Variants in C21orf58 observed in about 807,000 individuals in gnomAD.
The protein encoded by C21orf58 is uncharacterized protein C21orf58.
In C21orf58, 34 loss-of-function variants were observed where a neutral mutation model predicts 35.8. The observed-to-expected ratio is 0.95, with a 90% CI of 0.72 to 1.26. C21orf58 has a LOEUF of 1.26. Among genes scored for constraint, C21orf58 ranks in the 50% most tolerant of loss-of-function variants. The pLI is 0.00. For synonymous variants in C21orf58, 191 were observed against 175.8 expected, an observed-to-expected ratio of 1.09 and a Z score of -0.68; for missense variants, 440 against 414.3, an observed-to-expected ratio of 1.06 and a Z score of -0.54.
At chr21:46,317,172 G>T in intron 3 of C21orf58, 36 bp downstream of exon 3, 1 of 1,597,140 alleles carries the variant, frequency 6.3e-7, no homozygotes, top group South Asian at 1.1e-5. Context: ...ACTTGCGTCT[G>T]TCTGTGCTGG....
intron 1 of C21orf58, among the ~76,000 whole-genome samples, chr21:46,321,576 A>G (rs1223866033): frequency 6.6e-6 from 1 of 152,202 alleles, no homozygotes; most frequent in African/African-American, 2.4e-5. Flanking sequence ...ATTTTGAAGA[A>G]TGTCCCTCAA....
At chr21:46,312,908 A>T (rs2082804260) in intron 5 of C21orf58, 3 of 741,150 alleles carry the variant, frequency 4.0e-6, no homozygotes, top group Non-Finnish European at 4.9e-6. Context: ...TATATAGAAC[A>T]CGTCATGAAA....
At chr21:46,306,133 T>C in intron 6 of C21orf58, among the ~76,000 whole-genome samples, 1 of 151,238 alleles carries the variant, frequency 6.6e-6, no homozygotes, top group East Asian at 1.9e-4. Flanking sequence ...GCAAGCCCAG[T>C]GCAATCACAG....
At position 46,301,799 on chromosome 21, in the gene C21orf58, A is replaced by C. The variant is rs2082116165; in HGVS notation, c.*200T>G. ...CACTGCAGGGGACCCGGAGCAAGGG[A>C]TGCCCCCTGGAATGGCCCCGTGACC... On this transcript the variant is annotated 3_prime_UTR_variant, in exon 8 of 8. Transcript: ENST00000291691. 3 of 1,245,782 alleles carry C rather than the reference A, an allele frequency of 2.4e-6. No homozygotes were observed. In the Admixed American group the frequency reaches 1.3e-4, roughly 52 times the overall value. 77.2% of individuals were successfully genotyped at this position (1,245,782 alleles called of 1,614,324 possible).
At position 46,311,517 on chromosome 21, in the gene C21orf58, G is replaced by T. The variant is rs755836410; in HGVS notation, c.660C>A (p.Leu220=). ...TIIQQLPQQP[L]IAQIPPPQAF... ...CCTGGGGAGGAGGAATCTGTGCTAT[G>T]AGTGGCTGCTGAGGGAGCTGCTGAA... Residue 220 remains leucine, a synonymous_variant, in exon 6 of 8, where the codon CTC becomes CTA. Coordinates refer to ENST00000291691, the MANE Select transcript of C21orf58 (RefSeq NM_058180.5). 3 of 1,612,618 alleles carry T rather than the reference G, an allele frequency of 1.9e-6. No homozygotes were observed. The highest frequency in any genetic ancestry group is 2.2e-5 in the South Asian group (2 of 90,532).
intron 6 of C21orf58, among the ~76,000 whole-genome samples, chr21:46,310,060 C>G (rs2082604511): frequency 6.6e-6 from 1 of 152,066 alleles, no homozygotes; most frequent in Non-Finnish European, 1.5e-5. Flanking sequence ...TGACGGAAAG[C>G]TGCTCAGCAG....
At chr21:46,307,819 C>G (rs889025901) in intron 6 of C21orf58, among the ~76,000 whole-genome samples, 2 of 152,120 alleles carry the variant, frequency 1.3e-5, no homozygotes, top group Non-Finnish European at 2.9e-5. Context: ...TTCCATTAGT[C>G]ATTAGGGCAA....
intron 6 of C21orf58, among the ~76,000 whole-genome samples, chr21:46,304,859 G>GTCTA (rs2082341734): frequency 6.6e-6 from 1 of 152,214 alleles, no homozygotes; most frequent in Admixed American, 6.5e-5. Flanking sequence ...CAGAAATGTG[G>GTCTA]TCTATCCATA....
rs561145674 is a variant in C21orf58, at chr21:46,302,582, G to A, written c.722-6C>T. 6.2e-7 allele frequency: 1 copy of A among 1,608,392 alleles called. No individual in the cohort carries two copies. Among genetic ancestry groups the A allele is most frequent in the East Asian group, 2.2e-5 (1 of 44,688 alleles). ...CAGCAGCAGCTCCACCATGTCTGCA[G>A]GGAAGAAGCAGGGGGACCCTGAATA... On this transcript the variant is annotated splice_polypyrimidine_tract_variant and splice_region_variant and intron_variant, in intron 6 of 7. Transcript: ENST00000291691.
At chr21:46,306,158 G>A (rs1217047673) in intron 6 of C21orf58, among the ~76,000 whole-genome samples, 1 of 151,874 alleles carries the variant, frequency 6.6e-6, no homozygotes, top group Non-Finnish European at 1.5e-5. Flanking sequence ...CTTAGAAAGT[G>A]GTGAGATAAA....
intron 6 of C21orf58, among the ~76,000 whole-genome samples, chr21:46,305,398 C>A (rs1423076825): frequency 1.4e-5 from 2 of 145,194 alleles, no homozygotes; most frequent in South Asian, 4.3e-4. Flanking sequence ...GGTGTGAACA[C>A]AGCTCACTGC....
At chr21:46,311,860 T>C (rs1268873096) in intron 5 of C21orf58, among the ~76,000 whole-genome samples, 775 of 34,044 alleles carry the variant, frequency 0.023, no homozygotes, top group Admixed American at 0.041. Flanking sequence ...TCTATCCACC[T>C]ACCCATCCAT....
chr21:46,302,347 G>GAT (rs1179685430), intron 7 of C21orf58, 138 bp downstream of exon 7: 9 of 1,109,402 alleles, frequency 8.1e-6, no homozygotes, highest in African/African-American at 1.6e-5. Context: ...ACTCGATGGG[G>GAT]ATGGGGGCTT....
chr21:46,322,543 C>G, intron 1 of C21orf58, 96 bp downstream of exon 1: 3 of 1,318,142 alleles, frequency 2.3e-6, no homozygotes, highest in Non-Finnish European at 2.9e-6. Context: ...GTGTTGCCTG[C>G]CTGGCCCCTG....
intron 6 of C21orf58, among the ~76,000 whole-genome samples, 180 bp downstream of exon 6, chr21:46,311,276 T>C (rs2082673794): frequency 6.6e-6 from 1 of 152,208 alleles, no homozygotes; most frequent in African/African-American, 2.4e-5. Flanking sequence ...TTATCTTTCT[T>C]ATACCTCTTG....
In C21orf58 at chr21:46,314,893, T is replaced by A; in HGVS notation, c.445-13A>T. 6.4e-7 allele frequency: 1 copy of A among 1,550,396 alleles called. No individual in the cohort carries two copies. On this transcript the variant is annotated splice_polypyrimidine_tract_variant and intron_variant, in intron 4 of 7. Coordinates refer to ENST00000291691, the MANE Select transcript of C21orf58 (RefSeq NM_058180.5). ...GGAGGTGTTGTTCCTGCAAGGCCGA[T>A]GCAGAGCTGCTGCACACGGGGACGG...
At position 46,317,317 on chromosome 21, in the gene C21orf58, CCT is replaced by C. The variant is rs748463753; in HGVS notation, c.310-51_310-50del. 39 of 1,593,398 alleles carry C rather than the reference CCT, an allele frequency of 2.4e-5. No individual in the cohort carries two copies. In the African/African-American group the frequency reaches 5.1e-4, roughly 21 times the overall value. ...AGAGACGGTGGCTCCACGCAAAGGC[CCT>C]GTGTGCTCCAGGAATGACTAAGAGG... On this transcript the variant is annotated intron_variant, in intron 2 of 7. Coordinates refer to ENST00000291691, the MANE Select transcript of C21orf58 (RefSeq NM_058180.5).
intron 7 of C21orf58, 40 bp downstream of exon 7, chr21:46,302,443 CCT>C (rs762337560): frequency 2.4e-5 from 36 of 1,470,334 alleles, no homozygotes; most frequent in South Asian, 9.5e-5. Flanking sequence ...CCACCCAGGC[CCT>C]GTTTCCTTGG....
At chr21:46,304,219 A>G (rs1021072182) in intron 6 of C21orf58, among the ~76,000 whole-genome samples, 1 of 151,266 alleles carries the variant, frequency 6.6e-6, no homozygotes, top group Admixed American at 6.6e-5. Context: ...TTTAGTAGAG[A>G]TGGGGTTTCA....
Sources: gnomAD v4.1 joint callset for allele counts (sites outside exome capture counted in the v4.1 genomes callset) on GRCh38, gnomAD v4.1.1 for gene constraint, MANE v1.5 for transcripts, NCBI Gene and HGNC (gene_info 2026-07-23, HGNC 2026-07-21) for gene names.